MYO6: variants seen among roughly 807,000 people sequenced by gnomAD.
MYO6 encodes unconventional myosin-VI.
MYO6 carries 74 observed loss-of-function variants against 178.7 expected under a neutral mutation model. That is an observed-to-expected ratio of 0.41 (90% CI 0.34 to 0.50). MYO6 has a LOEUF of 0.50. MYO6 is among the 20% of genes least tolerant of loss of function. The pLI, the probability that MYO6 is intolerant of heterozygous loss-of-function variation, is 0.09. For missense variants in MYO6, 1,330 were observed against 1,547.4 expected (o/e 0.86, Z 2.36); for synonymous variants, 477 against 504.6 (o/e 0.95, Z 0.73).
At chr6:75,825,972 T>C (rs2150196764) in intron 3 of MYO6, among the ~76,000 whole-genome samples, 1 of 152,330 alleles carries the variant, frequency 6.6e-6, no homozygotes, top group Non-Finnish European at 1.5e-5. Flanking sequence ...TGGGTATAGT[T>C]AAATCTGTTA....
At chr6:75,757,077 G>GTA (rs1307901309) in intron 1 of MYO6, among the ~76,000 whole-genome samples, 2 of 144,268 alleles carry the variant, frequency 1.4e-5, no homozygotes, top group Non-Finnish European at 1.5e-5. Flanking sequence ...TATATAGTGT[G>GTA]TATATATATG....
At chr6:75,870,187 C>G (rs969570223) in intron 18 of MYO6, among the ~76,000 whole-genome samples, 1 of 151,926 alleles carries the variant, frequency 6.6e-6, no homozygotes, top group Non-Finnish European at 1.5e-5. Context: ...ACTAAGTGTT[C>G]CATAAAACAA....
intron 1 of MYO6, among the ~76,000 whole-genome samples, chr6:75,755,203 A>C (rs989873337): frequency 6.6e-6 from 1 of 152,202 alleles, no homozygotes; most frequent in East Asian, 1.9e-4. Context: ...ACTGCACTCC[A>C]GTCTGGGTGA....
chr6:75,809,625 C>G (rs1360769533), intron 1 of MYO6, among the ~76,000 whole-genome samples: 2 of 151,954 alleles, frequency 1.3e-5, no homozygotes, highest in African/African-American at 2.4e-5. Flanking sequence ...TGCCTGAAAA[C>G]TGGGAAATCT....
chr6:75,776,042 C>G (rs181402361), intron 1 of MYO6, among the ~76,000 whole-genome samples: 1 of 152,168 alleles, frequency 6.6e-6, no homozygotes, highest in African/African-American at 2.4e-5. Context: ...ACTGCTCCCC[C>G]GAGCACCATT....
chr6:75,845,092 C>A, intron 10 of MYO6, 115 bp downstream of exon 10: 1 of 833,634 alleles, frequency 1.2e-6, no homozygotes, highest in Non-Finnish European at 2.0e-6. Context: ...TAGGCTTATA[C>A]TTTAAAAAAT....
At chr6:75,854,240 A>G (rs1046603912) in intron 11 of MYO6, among the ~76,000 whole-genome samples, 5 of 143,462 alleles carry the variant, frequency 3.5e-5, no homozygotes, top group Admixed American at 2.2e-4. Context: ...CAGATTTCTC[A>G]AAATGCCCAC....
chr6:75,783,948 T>G (rs937831817), intron 1 of MYO6, among the ~76,000 whole-genome samples: 1 of 151,992 alleles, frequency 6.6e-6, no homozygotes, highest in Non-Finnish European at 1.5e-5. Flanking sequence ...GGGATCATGG[T>G]GGAGGGACTT....
At chr6:75,796,378 A>G (rs1768818502) in intron 1 of MYO6, among the ~76,000 whole-genome samples, 1 of 151,994 alleles carries the variant, frequency 6.6e-6, no homozygotes, top group Non-Finnish European at 1.5e-5. Flanking sequence ...AGTAACATTT[A>G]TGTCCAGTAT....
chr6:75,905,813 G>A (rs1422058011), intron 30 of MYO6, among the ~76,000 whole-genome samples: 1 of 152,208 alleles, frequency 6.6e-6, no homozygotes, highest in Non-Finnish European at 1.5e-5. Flanking sequence ...TAAGTATGTA[G>A]GATGAAGTAT....
chr6:75,846,462 A>G (rs1583260007), intron 10 of MYO6, among the ~76,000 whole-genome samples: 1 of 152,136 alleles, frequency 6.6e-6, no homozygotes, highest in South Asian at 2.1e-4. Flanking sequence ...ATATTCCATT[A>G]TTTAAAATTC....
intron 10 of MYO6, among the ~76,000 whole-genome samples, chr6:75,847,005 G>A (rs945322550): frequency 1.3e-5 from 2 of 152,058 alleles, no homozygotes; most frequent in African/African-American, 2.4e-5. Context: ...TAAACCCTTT[G>A]CCCAATTCCA....
intron 1 of MYO6, among the ~76,000 whole-genome samples, chr6:75,811,604 G>A (rs966411155): frequency 6.6e-6 from 1 of 152,098 alleles, no homozygotes; most frequent in Non-Finnish European, 1.5e-5. Flanking sequence ...TGGACTTTGG[G>A]AGTTTTGCTT....
chr6:75,855,303 G>T lies in MYO6; in HGVS notation c.1223+20G>T. 1 of 1,612,006 alleles carries T rather than the reference G, an allele frequency of 6.2e-7. No individual in the cohort carries two copies. Among genetic ancestry groups the T allele is most frequent in the Non-Finnish European group, 8.5e-7 (1 of 1,178,752 alleles). On this transcript the variant is annotated intron_variant, in intron 12 of 34. Transcript: ENST00000369977. ...TATAAAGTAAGTTCCTTAAGTAATT[G>T]CACTGCAAAAATTTTGCCTTGCAGT...
intron 31 of MYO6, among the ~76,000 whole-genome samples, 157 bp downstream of exon 31, chr6:75,907,865 C>A (rs1408892683): frequency 6.6e-6 from 1 of 150,868 alleles, no homozygotes; most frequent in African/African-American, 2.4e-5. Flanking sequence ...TCTTTTGGTC[C>A]ATGAATGCAC....
At chr6:75,777,384 T>A (rs1408660740) in intron 1 of MYO6, among the ~76,000 whole-genome samples, 1 of 152,110 alleles carries the variant, frequency 6.6e-6, no homozygotes, top group Non-Finnish European at 1.5e-5. Flanking sequence ...AAGATTTTTT[T>A]AAAAAGTTGA....
intron 1 of MYO6, among the ~76,000 whole-genome samples, chr6:75,798,311 C>A (rs945679038): frequency 2.0e-5 from 3 of 152,112 alleles, no homozygotes; most frequent in Admixed American, 6.6e-5. Flanking sequence ...GGCTTTATTT[C>A]TCTGTTCTCT....
At position 75,919,228 on chromosome 6, in the gene MYO6, A is replaced by G. The variant is rs1464595548; in HGVS notation, c.*4216A>G. 1 of 152,180 alleles carries G rather than the reference A, an allele frequency of 6.6e-6. No individual in the cohort carries two copies. The highest frequency in any genetic ancestry group is 1.9e-4 in the East Asian group (1 of 5,180). The allele number at this position is 152,180 out of a possible 1,614,324, so 9.4% of individuals were successfully genotyped here. On this transcript the variant is annotated 3_prime_UTR_variant, in exon 35 of 35. Coordinates refer to ENST00000369977, the MANE Select transcript of MYO6 (RefSeq NM_004999.4). The stretch of plus-strand genomic sequence containing the variant: ...GTACCTAACACCCAGAGAAGCATAC[A>G]TTGTGCCCAGTAGGTAATTTTTCAT...
chr6:75,827,285 C>T (rs553375946), intron 3 of MYO6, among the ~76,000 whole-genome samples: 1 of 152,086 alleles, frequency 6.6e-6, no homozygotes, highest in African/African-American at 2.4e-5. Flanking sequence ...TTTGTACTGA[C>T]CTTAAAGAGT....
Sources: allele counts gnomAD v4.1 joint callset (sites outside exome capture counted in the v4.1 genomes callset), GRCh38; gene constraint gnomAD v4.1.1; transcripts MANE v1.5; gene names NCBI Gene and HGNC (gene_info 2026-07-23, HGNC 2026-07-21).